The following SMIM22 variants were observed in gnomAD, a reference collection of about 807,000 sequenced individuals.
SMIM22 encodes small integral membrane protein 22.
Under a neutral mutation model 8.4 loss-of-function variants are expected in SMIM22, and 16 were observed. The ratio of observed to expected loss-of-function variants is 1.90; its 90% CI spans 1.29 to 2.89. The LOEUF is 2.89. SMIM22 is among the 30% of genes most tolerant of loss of function. The pLI, the probability that SMIM22 is intolerant of heterozygous loss-of-function variation, is 0.00. For missense variants in SMIM22, 159 were observed against 107.5 expected, an observed-to-expected ratio of 1.48 and a Z score of -2.12; for synonymous variants, 67 against 47.6, an observed-to-expected ratio of 1.41 and a Z score of -1.68.
intron 1 of SMIM22, 78 bp downstream of exon 1, chr16:4,795,527 G>A: frequency 1.4e-6 from 1 of 692,564 alleles, no homozygotes; most frequent in South Asian, 1.9e-5. Flanking sequence ...AGGTTGTCAG[G>A]GTAAGGACCA....
In SMIM22 at chr16:4,796,325, C is replaced by T. The variant is rs181264433; in HGVS notation, c.*94C>T. On this transcript the variant is annotated 3_prime_UTR_variant, in exon 4 of 4. Coordinates refer to ENST00000586005, the MANE Select transcript of SMIM22 (RefSeq NM_001253794.2). The stretch of plus-strand genomic sequence containing the variant: ...TTCCAGTCCCCGTCTGGGTGGGTGA[C>T]GCGGGACTCGCCGCCCCACTCAGGT... 1.9e-4 allele frequency: 266 copies of T among 1,436,160 alleles called. No individual in the cohort carries two copies. Among genetic ancestry groups the T allele is most frequent in the East Asian group, 4.7e-4 (19 of 40,222 alleles). The allele number at this position is 1,436,160 out of a possible 1,614,324, so 89.0% of individuals were successfully genotyped here.
At chr16:4,789,727 G>A (rs1002030212) in intron 2 of SMIM22, among the ~76,000 whole-genome samples, 2 of 151,970 alleles carry the variant, frequency 1.3e-5, no homozygotes, top group Non-Finnish European at 2.9e-5. Flanking sequence ...CCTAAATGCT[G>A]AGATTACAGA....
Position 4,795,416 on chromosome 16 carries a change from C to T in SMIM22, c.-54C>T. ...GGAAGCAGCCTGTGCTCCCCAGGAC[C>T]TGCCTGGTTGGGGGAATTGGAGGCT... On this transcript the variant is annotated 5_prime_UTR_variant, in exon 1 of 4. Transcript: ENST00000586005. The T allele has an allele frequency of 2.7e-6, 1 of 364,454 alleles. No homozygotes were observed. The highest frequency in any genetic ancestry group is 5.1e-6 in the Non-Finnish European group (1 of 195,920). The allele number at this position is 364,454 out of a possible 1,614,324, so 22.6% of individuals were successfully genotyped here.
chr16:4,796,163 C>G, intron 3 of SMIM22, 27 bp from the exon 4 acceptor site: 1 of 1,535,974 alleles, frequency 6.5e-7, no homozygotes. Flanking sequence ...AGCGAACCTG[C>G]TTGGTCCCGC....
rs183295514 is a variant in SMIM22, at chr16:4,789,426, C to T, written c.-146+655C>T. On this transcript the variant is annotated intron_variant, in intron 2 of 5. Coordinates refer to the SMIM22 transcript ENST00000589327. ...CTGTAAGCTCTGCCTCCCGGGTTCA[C>T]GCCGCTCTCCTGCCTCAGCCTCCCG... Among the ~76,000 whole-genome samples the T allele has an allele frequency of 5.5e-3, 836 of 151,748 alleles. 8 individuals carry two copies. The highest frequency in any genetic ancestry group is 0.019 in the African/African-American group (794 of 41,388).
upstream of SMIM22, among the ~76,000 whole-genome samples, chr16:4,793,274 G>A (rs895899801): frequency 2.0e-5 from 3 of 152,154 alleles, no homozygotes; most frequent in African/African-American, 7.2e-5. Flanking sequence ...AGAACCTTCA[G>A]GATGAACACA....
chr16:4,790,544 C>T (rs1389661646), upstream of SMIM22, among the ~76,000 whole-genome samples: 1 of 152,238 alleles, frequency 6.6e-6, no homozygotes, highest in Non-Finnish European at 1.5e-5. Context: ...AATCCCAGCA[C>T]TTCAGGAGGC....
exon 2 of SMIM22, chr16:4,788,736 A>T (rs2141885800): frequency 6.6e-6 from 1 of 152,360 alleles, no homozygotes; most frequent in East Asian, 1.9e-4. Context: ...TAGGAGCCCA[A>T]AGATGTTAAC....
chr16:4,796,256 G>C lies in SMIM22; in HGVS notation c.*25G>C. 6.5e-7 allele frequency: 1 copy of C among 1,535,090 alleles called. No homozygotes were observed. Among genetic ancestry groups the C allele is most frequent in the East Asian group, 2.4e-5 (1 of 40,904 alleles). ...ACCCTGTGTCTCCTGCCCGGTGGCA[G>C]TAACAAAGCCTTCTGTCTGCCCAGA... On this transcript the variant is annotated 3_prime_UTR_variant, in exon 4 of 4. Transcript: ENST00000586005.
chr16:4,795,770 T>C lies in SMIM22; in HGVS notation c.36T>C (p.Val12=). 6.5e-7 allele frequency: 1 copy of C among 1,535,960 alleles called. No individual in the cohort carries two copies. Among genetic ancestry groups the C allele is most frequent in the Non-Finnish European group, 8.7e-7 (1 of 1,146,798 alleles). Residue 12 remains valine, a synonymous_variant, in exon 2 of 4, where the codon GTT becomes GTC. Coordinates refer to ENST00000586005, the MANE Select transcript of SMIM22 (RefSeq NM_001253794.2). ...AVSTEELEAT[V]QEVLGRLKSH... is the part of the protein sequence containing the mutation. ...CCACAGAGGAGCTGGAGGCCACGGT[T>C]CAGGAAGTCCTGGGGAGACTGAAGA...
upstream of SMIM22, chr16:4,795,104 TCCCA>T (rs145509826): frequency 1.3e-5 from 1 of 78,842 alleles, no homozygotes; most frequent in African/African-American, 4.7e-5. Flanking sequence ...TCCCCCTCCC[TCCCA>T]CCCACCTTCT....
In SMIM22 at chr16:4,795,836, CATT is replaced by C; in HGVS notation, c.103_105del (p.Ile35del). The C allele has an allele frequency of 1.3e-6, 2 of 1,535,262 alleles. No homozygotes were observed. Among genetic ancestry groups the C allele is most frequent in the Non-Finnish European group, 1.7e-6 (2 of 1,146,412 alleles). ...AGTCCACATGGGACACTGTTGCCTT[CATT>C]GTTTTCCTCACCTTCATGGGTAAGT... On this transcript the variant is annotated inframe_deletion, in exon 2 of 4. Coordinates refer to ENST00000586005, the MANE Select transcript of SMIM22 (RefSeq NM_001253794.2).
At chr16:4,791,428 G>A (rs1377112998), upstream of SMIM22, among the ~76,000 whole-genome samples, 2 of 152,148 alleles carry the variant, frequency 1.3e-5, no homozygotes, top group Non-Finnish European at 2.9e-5. Flanking sequence ...ATCATGCTTC[G>A]ACGGCTCTGA....
chr16:4,795,971 C>G lies in SMIM22; in HGVS notation c.148C>G (p.Leu50Val). 6.6e-7 allele frequency: 1 copy of G among 1,504,502 alleles called. No homozygotes were observed. The highest frequency in any genetic ancestry group is 2.1e-5 in the Admixed American group (1 of 47,954). The allele number at this position is 1,504,502 out of a possible 1,614,324, so 93.2% of individuals were successfully genotyped here. Residue 50 changes from leucine (L) to valine (V), a missense_variant, in exon 3 of 4, where the codon CTG becomes GTG. Transcript: ENST00000586005. ...AGGCACCGTGCTGCTCCTGCTGCTG[C>G]TGGTCGTCGCCCACTGCTGCTGCTG... is the stretch of plus-strand genomic sequence containing the variant. ...FMGTVLLLLL[L>V]VVAHCCCCSS...
chr16:4,791,250 T>C (rs1289967309), upstream of SMIM22, among the ~76,000 whole-genome samples: 1 of 152,060 alleles, frequency 6.6e-6, no homozygotes, highest in African/African-American at 2.4e-5. Flanking sequence ...GCAGAAAGCA[T>C]GCTGTCATCT....
rs185044021 is a variant in SMIM22, at chr16:4,796,327, C to T, written c.*96C>T. 5.0e-4 allele frequency: 711 copies of T among 1,424,218 alleles called. 4 individuals carry two copies. The African/African-American group carries it at 7.9e-3, about 16-fold the overall frequency. The allele number at this position is 1,424,218 out of a possible 1,614,324, so 88.2% of individuals were successfully genotyped here. A position where few individuals can be genotyped will look rare whatever the true frequency, so the allele number is the denominator to read the frequency against. On this transcript the variant is annotated 3_prime_UTR_variant, in exon 4 of 4. Coordinates refer to ENST00000586005, the MANE Select transcript of SMIM22 (RefSeq NM_001253794.2). The stretch of plus-strand genomic sequence containing the variant: ...CCAGTCCCCGTCTGGGTGGGTGACG[C>T]GGGACTCGCCGCCCCACTCAGGTGG...
At chr16:4,790,744 G>A (rs1335823754), upstream of SMIM22, among the ~76,000 whole-genome samples, 1 of 152,188 alleles carries the variant, frequency 6.6e-6, no homozygotes, top group African/African-American at 2.4e-5. Context: ...AGCCGAGATC[G>A]TGCCATTGCA....
chr16:4,793,604 C>CTGGACTTCCGTATCCT (rs1258177201), upstream of SMIM22, among the ~76,000 whole-genome samples: 1 of 152,176 alleles, frequency 6.6e-6, no homozygotes, highest in Non-Finnish European at 1.5e-5. Flanking sequence ...AGTCCTAGTA[C>CTGGACTTCCGTATCCT]AGCTGGCCTT....
At chr16:4,788,841 C>T (rs957460285) in intron 2 of SMIM22, 3 of 152,128 alleles carry the variant, frequency 2.0e-5, no homozygotes, top group African/African-American at 4.8e-5. Context: ...GAGTCTCTGC[C>T]GCTCTGAGTC....
Sources: gnomAD v4.1 joint callset for allele counts (sites outside exome capture counted in the v4.1 genomes callset) on GRCh38, gnomAD v4.1.1 for gene constraint, MANE v1.5 for transcripts, NCBI Gene and HGNC (gene_info 2026-07-23, HGNC 2026-07-21) for gene names.